TPRG1: variants seen among roughly 807,000 people sequenced by gnomAD.
TPRG1 encodes tumor protein p63 regulated 1, also known as tumor protein p63-regulated gene 1 protein.
In TPRG1, 29 loss-of-function variants were observed where a neutral mutation model predicts 29.3. The observed-to-expected ratio is 0.99, with a 90% CI of 0.74 to 1.35. The LOEUF (loss-of-function observed/expected upper bound fraction) is 1.35, where lower values mean the gene tolerates loss of function less well. TPRG1 is among the 40% of genes most tolerant of loss of function. The probability of loss-of-function intolerance (pLI) is 0.00; values close to 1 mark genes in which losing one functional copy is unlikely to be tolerated. For synonymous variants in TPRG1, 130 were observed against 116.8 expected (o/e 1.11, Z -0.73); for missense variants, 327 against 335.0 (o/e 0.98, Z 0.19).
chr3:189,067,501 C>T (rs558542052), intron 4 of TPRG1, among the ~76,000 whole-genome samples: 1 of 151,988 alleles, frequency 6.6e-6, no homozygotes, highest in African/African-American at 2.4e-5. Context: ...GACAGAGAAC[C>T]CAGAAACAAA....
At chr3:189,121,636 C>T (rs1157631721) in intron 1 of TPRG1, 5 of 152,200 alleles carry the variant, frequency 3.3e-5, no homozygotes, top group African/African-American at 7.2e-5. Flanking sequence ...CCTGATCTAT[C>T]CTGACAAATG....
chr3:189,270,131 T>C (rs1714851616), intron 4 of TPRG1, among the ~76,000 whole-genome samples: 1 of 151,978 alleles, frequency 6.6e-6, no homozygotes, highest in African/African-American at 2.4e-5. Flanking sequence ...AAATAAAATT[T>C]GATAATTTAA....
intron 4 of TPRG1, among the ~76,000 whole-genome samples, chr3:189,059,618 A>G (rs1715964326): frequency 6.6e-6 from 1 of 151,862 alleles, no homozygotes; most frequent in Non-Finnish European, 1.5e-5. Flanking sequence ...AAACAAAATG[A>G]AAAAAACAAA....
At chr3:189,269,399 A>G (rs1447598791) in intron 4 of TPRG1, among the ~76,000 whole-genome samples, 1 of 152,114 alleles carries the variant, frequency 6.6e-6, no homozygotes, top group Non-Finnish European at 1.5e-5. Context: ...TAGGAGTTGT[A>G]ATAATATTTG....
intron 4 of TPRG1, among the ~76,000 whole-genome samples, chr3:189,081,507 A>C (rs1005979524): frequency 6.6e-6 from 1 of 152,204 alleles, no homozygotes; most frequent in South Asian, 2.1e-4. Context: ...ATGATGAACA[A>C]TCCGAAATTC....
At chr3:189,256,751 A>G (rs1476274969) in intron 4 of TPRG1, among the ~76,000 whole-genome samples, 1 of 152,090 alleles carries the variant, frequency 6.6e-6, no homozygotes, top group Non-Finnish European at 1.5e-5. Context: ...TCCCTTTACC[A>G]TTATGTAATG....
chr3:189,001,930 A>G (rs1433076189), intron 2 of TPRG1, among the ~76,000 whole-genome samples: 1 of 152,224 alleles, frequency 6.6e-6, no homozygotes, highest in Non-Finnish European at 1.5e-5. Flanking sequence ...AAATCTAAAT[A>G]TTACTTAACC....
At chr3:189,128,920 C>T (rs1722793595) in intron 2 of TPRG1, among the ~76,000 whole-genome samples, 2 of 152,298 alleles carry the variant, frequency 1.3e-5, no homozygotes, top group Non-Finnish European at 2.9e-5. Flanking sequence ...CAGGCGTGAG[C>T]TGCCGCACCC....
intron 4 of TPRG1, among the ~76,000 whole-genome samples, chr3:189,074,874 C>T (rs1373618098): frequency 2.0e-5 from 3 of 151,720 alleles, no homozygotes; most frequent in African/African-American, 2.4e-5. Context: ...TGCAGTGGCG[C>T]GATCTCCGCT....
intron 4 of TPRG1, among the ~76,000 whole-genome samples, chr3:189,069,405 C>G (rs796806942): frequency 6.6e-6 from 1 of 152,100 alleles, no homozygotes; most frequent in Non-Finnish European, 1.5e-5. Flanking sequence ...GAGATTCTTT[C>G]GGTGATGGAA....
chr3:189,209,836 G>A lies in TPRG1; in HGVS notation c.210+2242G>A, dbSNP rs181572825. 1.6e-3 allele frequency among the ~76,000 whole-genome samples: 251 copies of A among 152,200 alleles called. 1 individual carries two copies. The highest frequency in any genetic ancestry group is 5.7e-3 in the African/African-American group (238 of 41,518). ...TCTTAAGTTCTCAAAAGCTTGTGAGGGATCTAAAGTAAACCTGAAGACTCT... is the reference window on the plus strand; with the variant it reads ...TCTTAAGTTCTCAAAAGCTTGTGAGAGATCTAAAGTAAACCTGAAGACTCT... On this transcript the variant is annotated intron_variant, in intron 2 of 5. Coordinates refer to ENST00000345063, the MANE Select transcript of TPRG1 (RefSeq NM_198485.4).
intron 4 of TPRG1, among the ~76,000 whole-genome samples, chr3:189,076,053 T>G (rs1717149828): frequency 6.6e-6 from 1 of 152,194 alleles, no homozygotes; most frequent in Non-Finnish European, 1.5e-5. Flanking sequence ...ATTAAAATAT[T>G]AAGATGAAAC....
intron 5 of TPRG1, among the ~76,000 whole-genome samples, chr3:189,320,100 A>G (rs1724134011): frequency 6.6e-6 from 1 of 152,030 alleles, no homozygotes; most frequent in Non-Finnish European, 1.5e-5. Context: ...CAAAATTTTT[A>G]TGAATATTTT....
rs1724259222 is a variant in TPRG1, at chr3:189,320,951, T to C, written c.*131T>C. 3 of 896,492 alleles carry C rather than the reference T, an allele frequency of 3.3e-6. No individual in the cohort carries two copies. The African/African-American group carries it at 5.2e-5, about 16-fold the overall frequency. 55.5% of individuals were successfully genotyped at this position (896,492 alleles called of 1,614,324 possible). A position where few individuals can be genotyped will look rare whatever the true frequency, so the allele number is the denominator to read the frequency against. On this transcript the variant is annotated 3_prime_UTR_variant, in exon 6 of 6. Transcript: ENST00000345063. The stretch of plus-strand genomic sequence containing the variant: ...GACGCTTTATGATTTAGAAATTTAG[T>C]ATTTCCGAAAATTTAAAAGCTTGAT...
At chr3:189,310,900 T>C (rs914075229) in intron 5 of TPRG1, among the ~76,000 whole-genome samples, 1 of 152,200 alleles carries the variant, frequency 6.6e-6, no homozygotes, top group African/African-American at 2.4e-5. Flanking sequence ...GATGAGGTTC[T>C]ATGGTCATGC....
At chr3:189,075,195 C>T (rs1485926884) in intron 4 of TPRG1, among the ~76,000 whole-genome samples, 2 of 152,008 alleles carry the variant, frequency 1.3e-5, no homozygotes, top group African/African-American at 2.4e-5. Flanking sequence ...TGCAATGGCA[C>T]GATCTCCACT....
chr3:189,049,753 C>T (rs930583849), intron 4 of TPRG1, among the ~76,000 whole-genome samples: 10 of 152,328 alleles, frequency 6.6e-5, no homozygotes, highest in African/African-American at 2.4e-4. Context: ...ACTGCACCTT[C>T]TGCCACCTCC....
chr3:189,026,442 G>A (rs1251722328), intron 4 of TPRG1, among the ~76,000 whole-genome samples: 4 of 152,180 alleles, frequency 2.6e-5, no homozygotes, highest in South Asian at 4.2e-4. Context: ...ATGAACTTTG[G>A]GGCCACACAA....
intron 3 of TPRG1, among the ~76,000 whole-genome samples, chr3:189,139,050 C>A (rs1389878217): frequency 6.6e-6 from 1 of 152,080 alleles, no homozygotes; most frequent in Non-Finnish European, 1.5e-5. Context: ...GCAAAAGAAA[C>A]CCAGCCAAGT....
Sources: gnomAD v4.1 joint callset for allele counts (sites outside exome capture counted in the v4.1 genomes callset) on GRCh38, gnomAD v4.1.1 for gene constraint, MANE v1.5 for transcripts, NCBI Gene and HGNC (gene_info 2026-07-23, HGNC 2026-07-21) for gene names.